PSG11: variants seen among roughly 807,000 people sequenced by gnomAD.
PSG11 encodes the protein pregnancy specific beta-1-glycoprotein 11.
Under a neutral mutation model 36.0 loss-of-function variants are expected in PSG11, and 42 were observed. That is an observed-to-expected ratio of 1.17 (90% CI 0.91 to 1.51). PSG11 has a LOEUF of 1.51. Ranked by LOEUF, PSG11 falls within the 40% of genes most tolerant of loss-of-function variation. The probability of loss-of-function intolerance (pLI) is 0.00; values close to 1 mark genes in which losing one functional copy is unlikely to be tolerated. For missense variants in PSG11, 558 were observed against 403.5 expected (o/e 1.38, Z -3.28); for synonymous variants, 206 against 153.5 (o/e 1.34, Z -2.53).
intron 1 of PSG11, 178 bp from the exon 2 acceptor site, chr19:43,025,234 A>ATG: frequency 8.7e-7 from 1 of 1,149,112 alleles, no homozygotes; most frequent in Non-Finnish European, 1.2e-6. Flanking sequence ...GTGTATGTGT[A>ATG]TGTGTGTGTG....
rs150097853 is a variant in PSG11 at position 43,024,858 on chromosome 19, A to C, written c.263T>G (p.Ile88Arg). 111 of 1,611,734 alleles carry C rather than the reference A, an allele frequency of 6.9e-5. 5 individuals carry two copies. The African/African-American group carries it at 1.4e-3, about 20-fold the overall frequency. The stretch of plus-strand genomic sequence containing the variant: ...ACTGTATGCCGGTCCATATATAATT[A>C]TTTGACCGTCTACTACATATGATGT... ...YITSYVVDGQ[I>R]IIYGPAYSGR... Residue 88 changes from isoleucine to arginine, a missense_variant, in exon 2 of 6, where the codon ATA becomes AGA. Ile to Arg is a moderately conservative substitution (Grantham distance 97). Coordinates refer to ENST00000320078, the MANE Select transcript of PSG11 (RefSeq NM_002785.3).
At chr19:43,023,527 A>G (rs1325519436) in intron 2 of PSG11, among the ~76,000 whole-genome samples, 4 of 151,352 alleles carry the variant, frequency 2.6e-5, no homozygotes, top group East Asian at 1.9e-4. Context: ...TGATGGTTGA[A>G]GCAGGTGATT....
rs1376120755 is a variant in PSG11, at chr19:43,015,846, A to G, written c.710-476T>C. 3.1e-6 allele frequency: 5 copies of G among 1,610,028 alleles called. 1 individual carries two copies. The highest frequency in any genetic ancestry group is 3.4e-6 in the Non-Finnish European group (4 of 1,178,958). On this transcript the variant is annotated intron_variant, in intron 3 of 5. Transcript: ENST00000320078. ...TTTCACATTGATAGGGTCCTGTTTCATTTCTCGTGACACTGGGTAGAATGA... is the reference window on the plus strand; with the variant it reads ...TTTCACATTGATAGGGTCCTGTTTCGTTTCTCGTGACACTGGGTAGAATGA...
chr19:43,026,463 T>G lies in PSG11; in HGVS notation c.-91A>C. The G allele has an allele frequency of 6.6e-7, 1 of 1,504,802 alleles. No individual in the cohort carries two copies. Among genetic ancestry groups the G allele is most frequent in the Non-Finnish European group, 8.9e-7 (1 of 1,117,634 alleles). 93.2% of individuals were successfully genotyped at this position (1,504,802 alleles called of 1,614,324 possible). A position where few individuals can be genotyped will look rare whatever the true frequency, so the allele number is the denominator to read the frequency against. On this transcript the variant is annotated 5_prime_UTR_variant, in exon 1 of 6. Coordinates refer to ENST00000320078, the MANE Select transcript of PSG11 (RefSeq NM_002785.3). ...CGGCTGTCAGCTGTGCTGTCCTTCC[T>G]CCTTCTGCGCTGAGACTCTTCCCGG... is the stretch of plus-strand genomic sequence containing the variant.
chr19:43,020,730 G>T (rs948736807), intron 2 of PSG11, among the ~76,000 whole-genome samples: 1 of 151,252 alleles, frequency 6.6e-6, no homozygotes, highest in African/African-American at 2.4e-5. Context: ...GACAGAACTG[G>T]TCAGTGCATC....
In PSG11 at chr19:43,018,883, T is replaced by C. The variant is rs748501478; in HGVS notation, c.596A>G (p.Asn199Ser). 53 of 1,612,056 alleles carry C rather than the reference T, an allele frequency of 3.3e-5. 1 individual carries two copies. The Middle Eastern group carries it at 5.0e-4, about 15-fold the overall frequency. The change falls in exon 3 of 6, where the codon AAC (asparagine) becomes AGC (serine). Residue 199 changes from asparagine to serine, a missense_variant. By Grantham distance (46) the Asn-to-Ser change is conservative. Transcript: ENST00000320078. ...GACACCAAATAGAAAGAGGGTCCTG[T>C]TGGTTTCAGACAGCTGCATCCTATG... Reference protein sequence around the residue: ...MTHRMQLSETNRTLFLFGVTK... With the variant: ...MTHRMQLSETSRTLFLFGVTK...
chr19:43,025,558 A>G (rs1967224883), intron 1 of PSG11, among the ~76,000 whole-genome samples: 1 of 150,832 alleles, frequency 6.6e-6, no homozygotes, highest in Non-Finnish European at 1.5e-5. Context: ...CTCCGTGAGG[A>G]CAGGGACTTT....
intron 2 of PSG11, among the ~76,000 whole-genome samples, chr19:43,019,877 T>C (rs927905625): frequency 1.1e-4 from 17 of 151,458 alleles, no homozygotes; most frequent in African/African-American, 4.1e-4. Flanking sequence ...AACTGACTGG[T>C]GGAAAGGGCA....
rs1458729719 is a variant in PSG11 at position 43,021,438 on chromosome 19, A to G, written c.431-2390T>C. Among the ~76,000 whole-genome samples, 6 of 150,872 alleles carry G rather than the reference A, an allele frequency of 4.0e-5. 1 individual carries two copies. In the East Asian group the frequency reaches 9.8e-4, roughly 25 times the overall value. On this transcript the variant is annotated intron_variant, in intron 2 of 5. Transcript: ENST00000320078. ...ATGATCTCAGCTCACTGCAAGCTCC[A>G]CCTCCCGGGTTCACACCATTCTCCT...
At position 43,010,018 on chromosome 19, in the gene PSG11, C is replaced by A; in HGVS notation, c.988G>T (p.Ala330Ser). The change falls in exon 5 of 6, where the codon GCT (alanine) becomes TCT (serine). Residue 330 changes from alanine to serine, a missense_variant. Transcript: ENST00000320078. ...VIAPPGLGTFAFNNPT is the reference protein window; with the variant it reads ...VIAPPGLGTFSFNNPT ...GGCTGCTACGTTGGATTATTGAAAG[C>A]AAAAGTTCCTAATCCTGGAGGAGCT... is the stretch of plus-strand genomic sequence containing the variant. 1.2e-6 allele frequency: 2 copies of A among 1,609,678 alleles called. No homozygotes were observed. Among genetic ancestry groups the A allele is most frequent in the Middle Eastern group, 1.7e-4 (1 of 6,046 alleles).
chr19:43,010,723 G>C (rs924132823), intron 4 of PSG11: 4 of 165,408 alleles, frequency 2.4e-5, no homozygotes, highest in African/African-American at 9.7e-5. Flanking sequence ...TCCCTCACAG[G>C]TGTCTTCCGT....
rs183140006 is a variant in PSG11 at position 43,023,018 on chromosome 19, G to T, written c.430+1673C>A. 2.7e-3 allele frequency among the ~76,000 whole-genome samples: 401 copies of T among 150,928 alleles called. 7 individuals carry two copies. The highest frequency in any genetic ancestry group is 4.8e-3 in the Admixed American group (73 of 15,118). ...ACACAGAGAAGCAGAGAGAGGCAGAGACACCATGGCAGTGAGCAGTGAGGG... is the reference window on the plus strand; with the variant it reads ...ACACAGAGAAGCAGAGAGAGGCAGATACACCATGGCAGTGAGCAGTGAGGG... On this transcript the variant is annotated intron_variant, in intron 2 of 5. Coordinates refer to ENST00000320078, the MANE Select transcript of PSG11 (RefSeq NM_002785.3).
chr19:43,026,336 T>C lies in PSG11; in HGVS notation c.37A>G (p.Ile13Val), dbSNP rs1190642270. The change falls in exon 1 of 6, where the codon ATC (isoleucine) becomes GTC (valine). Residue 13 changes from isoleucine to valine, a missense_variant. By Grantham distance (29) the Ile-to-Val change is conservative. Coordinates refer to ENST00000320078, the MANE Select transcript of PSG11 (RefSeq NM_002785.3). ...PLSAPPCTEH[I>V]KWKGLLLTAL... is the part of the protein sequence containing the mutation. ...GTGAGCAGGAGCCCCTTCCATTTGA[T>C]GTGCTCTGTGCAGGGAGGGGCTGAG... 5.1e-5 allele frequency: 82 copies of C among 1,610,950 alleles called. No homozygotes were observed. The highest frequency in any genetic ancestry group is 6.9e-5 in the Non-Finnish European group (81 of 1,178,598).
At chr19:43,022,610 G>T (rs1953390608) in intron 2 of PSG11, among the ~76,000 whole-genome samples, 2 of 151,202 alleles carry the variant, frequency 1.3e-5, no homozygotes, top group South Asian at 4.2e-4. Context: ...TTGTGTGTTT[G>T]TGTGTGTGTG....
intron 1 of PSG11, among the ~76,000 whole-genome samples, chr19:43,025,655 GT>G (rs11346416): frequency 0.49 from 71,577 of 144,666 alleles, 18,828 homozygotes; most frequent in African/African-American, 0.64. Context: ...CGCCCTGGGT[GT>G]TTTTTTTTTT....
At chr19:43,022,876 A>C (rs906697137) in intron 2 of PSG11, among the ~76,000 whole-genome samples, 18 of 150,386 alleles carry the variant, frequency 1.2e-4, no homozygotes, top group African/African-American at 4.2e-4. Flanking sequence ...GTTAGCGGGA[A>C]GGGAATAGAA....
intron 5 of PSG11, 153 bp from the exon 6 acceptor site, chr19:43,008,195 C>G: frequency 4.1e-6 from 1 of 244,710 alleles, no homozygotes. Flanking sequence ...ACATAGAAAT[C>G]TAGTTACTTC....
chr19:43,015,130 G>C lies in PSG11; in HGVS notation c.950C>G (p.Thr317Arg), dbSNP rs1966926210. 1 of 1,611,964 alleles carries C rather than the reference G, an allele frequency of 6.2e-7. No homozygotes were observed. Among genetic ancestry groups the C allele is most frequent in the East Asian group, 2.2e-5 (1 of 44,806 alleles). ...ATGEESSTSLTIRVIAPPGLG... is the reference protein window; with the variant it reads ...ATGEESSTSLRIRVIAPPGLG... Reference sequence around the variant, plus strand: ...GATCCACTTACCAATGACTCTGATTGTCAAGGATGTGGAGCTTTCCTCGCC... The same window carrying C: ...GATCCACTTACCAATGACTCTGATTCTCAAGGATGTGGAGCTTTCCTCGCC... Residue 317 changes from threonine to arginine, a missense_variant, in exon 4 of 6, where the codon ACA (threonine) becomes AGA (arginine). Physicochemically the swap from Thr to Arg is moderately conservative, Grantham distance 71 (BLOSUM62 -1). Transcript: ENST00000320078.
At chr19:43,017,064 G>A (rs1337000428) in intron 3 of PSG11, among the ~76,000 whole-genome samples, 1 of 151,392 alleles carries the variant, frequency 6.6e-6, no homozygotes, top group Non-Finnish European at 1.5e-5. Flanking sequence ...GTGAATATGA[G>A]AAGAGACTGC....
Sources: gnomAD v4.1 joint callset for allele counts (sites outside exome capture counted in the v4.1 genomes callset) on GRCh38, gnomAD v4.1.1 for gene constraint, MANE v1.5 for transcripts, NCBI Gene and HGNC (gene_info 2026-07-23, HGNC 2026-07-21) for gene names.